ARL10: variants seen among roughly 807,000 people sequenced by gnomAD.
ARL10 encodes the protein ARF like GTPase 10.
A neutral mutation model predicts 26.1 loss-of-function variants in ARL10; 23 were observed. The observed-to-expected ratio is 0.88, with a 90% CI of 0.63 to 1.25. ARL10 has a LOEUF of 1.25. Among genes scored for constraint, ARL10 ranks in the 50% most tolerant of loss-of-function variants. The pLI, the probability that ARL10 is intolerant of heterozygous loss-of-function variation, is 0.00. For missense variants in ARL10, 300 were observed against 323.6 expected (o/e 0.93, Z 0.56); for synonymous variants, 138 against 149.1 (o/e 0.93, Z 0.54).
chr5:176,369,290 T>C, intron 3 of ARL10: 2 of 1,143,456 alleles, frequency 1.7e-6, no homozygotes, highest in South Asian at 3.0e-5. Context: ...TGGAATGCAG[T>C]GGTGTGATCT....
chr5:176,372,175 C>G lies in ARL10; in HGVS notation c.*280C>G, dbSNP rs764915351. ...GAATGTGGATCCAGCTTTCCCTTCTCTTACCTGTACAGTGAGATGCTCAGT... is the reference window on the plus strand; with the variant it reads ...GAATGTGGATCCAGCTTTCCCTTCTGTTACCTGTACAGTGAGATGCTCAGT... On this transcript the variant is annotated 3_prime_UTR_variant, in exon 4 of 4. Coordinates refer to ENST00000310389, the MANE Select transcript of ARL10 (RefSeq NM_173664.6). The G allele has an allele frequency of 1.9e-6, 2 of 1,053,964 alleles. No homozygotes were observed. Among genetic ancestry groups the G allele is most frequent in the Non-Finnish European group, 2.5e-6 (2 of 794,456 alleles). 65.3% of individuals were successfully genotyped at this position (1,053,964 alleles called of 1,614,324 possible).
At position 176,371,733 on chromosome 5, in the gene ARL10, G is replaced by C. The variant is rs149831130; in HGVS notation, c.573G>C (p.Glu191Asp). Residue 191 changes from glutamate (E) to aspartate (D), a missense_variant, in exon 4 of 4, where the codon GAG (glutamate) becomes GAC (aspartate). By Grantham distance (45) the Glu-to-Asp change is conservative. Transcript: ENST00000310389. Reference sequence around the variant, plus strand: ...TGTGTCTCACCCAGGACCTGAGCGAGGCCATGAGTATGGGGGAGCTGCAGC... The same window carrying C: ...TGTGTCTCACCCAGGACCTGAGCGACGCCATGAGTATGGGGGAGCTGCAGC... ...VVVANKQDLS[E>D]AMSMGELQRE... 5.6e-3 allele frequency: 9,030 copies of C among 1,614,186 alleles called. 31 individuals carry two copies. The highest frequency in any genetic ancestry group is 6.4e-3 in the Non-Finnish European group (7,596 of 1,180,016).
rs896898125 is a variant in ARL10, at chr5:176,393,905, A to AC, written c.134-7835dup. The stretch of plus-strand genomic sequence containing the variant: ...CCTGTTTGGCCAGCGAGGGTCGCTC[A>AC]CAAGTCCCTGGAAGCCCCCTCTCCA... On this transcript the variant is annotated intron_variant, in intron 1 of 1. Transcript: ENST00000514533. This position sits in a 1 kb window ranked among gnomAD's most constrained non-coding sequence, Gnocchi z 4.4. Among the ~76,000 whole-genome samples the AC allele has an allele frequency of 2.0e-5, 3 of 152,194 alleles. No homozygotes were observed. Among genetic ancestry groups the AC allele is most frequent in the African/African-American group, 7.2e-5 (3 of 41,446 alleles).
At chr5:176,412,594 C>T in the ARL10 span, among the ~76,000 whole-genome samples, 3 of 152,216 alleles carry the variant, frequency 2.0e-5, no homozygotes, top group Non-Finnish European at 2.9e-5. Flanking sequence ...CTTCACCAGC[C>T]AGACAGGGCT....
At chr5:176,392,624 G>A, downstream of ARL10, 1 of 855,012 alleles carries the variant, frequency 1.2e-6, no homozygotes, top group Non-Finnish European at 1.8e-6. This position sits in a 1 kb window ranked among gnomAD's most constrained non-coding sequence, Gnocchi z 5.2. Flanking sequence ...GCGTGATGGG[G>A]TGAGGGCCCC....
chr5:176,383,460 G>A (rs371147059), downstream of ARL10, among the ~76,000 whole-genome samples: 23 of 152,238 alleles, frequency 1.5e-4, no homozygotes, highest in African/African-American at 5.1e-4. Context: ...GCCATGTGTA[G>A]CCCACTGCTT....
At chr5:176,389,260 C>A, downstream of ARL10, 2 of 1,516,174 alleles carry the variant, frequency 1.3e-6, no homozygotes, top group Non-Finnish European at 1.8e-6. Context: ...TTTGGGGAAG[C>A]GAGACCCAAA....
At chr5:176,370,878 A>G (rs189987059) in intron 3 of ARL10, among the ~76,000 whole-genome samples, 1 of 152,224 alleles carries the variant, frequency 6.6e-6, no homozygotes, top group Admixed American at 6.5e-5. Context: ...ATCCTACTGT[A>G]TCATCTCTCC....
chr5:176,366,441 T>TGCTGGG lies in ARL10; in HGVS notation c.251_256dup (p.Gly84_Leu85dup), dbSNP rs772531090. Reference sequence around the variant, plus strand: ...GAGCTGGAACAGCGCGAGGTGCTGGTGCTGGGGCTGGATGGCGCAGGCAAG... The same window carrying TGCTGGG: ...GAGCTGGAACAGCGCGAGGTGCTGGTGCTGGGGCTGGGGCTGGATGGCGCAGGCAAG... On this transcript the variant is annotated inframe_insertion, in exon 2 of 4. Coordinates refer to ENST00000310389, the MANE Select transcript of ARL10 (RefSeq NM_173664.6). 3.1e-6 allele frequency: 5 copies of TGCTGGG among 1,613,470 alleles called. No individual in the cohort carries two copies. Among genetic ancestry groups the TGCTGGG allele is most frequent in the Non-Finnish European group, 4.2e-6 (5 of 1,179,956 alleles).
chr5:176,367,010 T>TC (rs1453898433), intron 2 of ARL10, among the ~76,000 whole-genome samples: 2 of 144,330 alleles, frequency 1.4e-5, no homozygotes, highest in Non-Finnish European at 3.0e-5. Context: ...GTCTTTTTTT[T>TC]TTTTTTTTTT....
chr5:176,400,316 G>A (rs1355841413), intron 1 of ARL10, among the ~76,000 whole-genome samples: 2 of 152,194 alleles, frequency 1.3e-5, no homozygotes, highest in Admixed American at 6.5e-5. Flanking sequence ...TGCTTGGTGT[G>A]GAGTGATGGC....
chr5:176,384,623 C>CA (rs1033383280), downstream of ARL10: 4 of 529,970 alleles, frequency 7.5e-6, no homozygotes, highest in African/African-American at 7.7e-5. Flanking sequence ...CCTGTCTCTC[C>CA]AAAAACAATA....
chr5:176,386,561 C>G, downstream of ARL10: 1 of 493,914 alleles, frequency 2.0e-6, no homozygotes, highest in East Asian at 4.0e-5. Flanking sequence ...CATACCCATG[C>G]CAGAGATTTA....
rs574093335 is a variant in ARL10, at chr5:176,372,549, G to A, written c.*654G>A. 2.1e-5 allele frequency: 4 copies of A among 193,192 alleles called. No homozygotes were observed. The highest frequency in any genetic ancestry group is 6.9e-5 in the African/African-American group (3 of 43,352). The allele number at this position is 193,192 out of a possible 1,614,324, so 12.0% of individuals were successfully genotyped here. ...CCATCCTAGCAAGGAGCTTTCTGAA[G>A]ACCTCCCTGCCTTTCCCTGAGCCCA... is the stretch of plus-strand genomic sequence containing the variant. On this transcript the variant is annotated 3_prime_UTR_variant, in exon 4 of 4. Coordinates refer to ENST00000310389, the MANE Select transcript of ARL10 (RefSeq NM_173664.6).
intron 2 of ARL10, among the ~76,000 whole-genome samples, chr5:176,367,002 C>CTTTTTTTT (rs67066126): frequency 1.4e-4 from 15 of 106,532 alleles, no homozygotes; most frequent in African/African-American, 4.8e-4. Flanking sequence ...CCTTTCTAGT[C>CTTTTTTTT]TTTTTTTTTT....
intron 1 of ARL10, among the ~76,000 whole-genome samples, chr5:176,394,974 A>G (rs1756450563): frequency 6.6e-6 from 1 of 152,034 alleles, no homozygotes; most frequent in South Asian, 2.1e-4. Context: ...CCTTGCTGGA[A>G]GCCTCCTGTG....
chr5:176,368,495 AC>A lies in ARL10; in HGVS notation c.386-311del, dbSNP rs1474825569. On this transcript the variant is annotated intron_variant, in intron 2 of 3. Transcript: ENST00000310389. The surrounding 1 kb of genome is among the most constrained non-coding windows in gnomAD (Gnocchi z 4.1). Reference sequence around the variant, plus strand: ...CGTGGTACCTGTGGGTTTTACTGCAACAACCCGTTAGGAAAGTTCAGTGAGG... The same window carrying A: ...CGTGGTACCTGTGGGTTTTACTGCAAAACCCGTTAGGAAAGTTCAGTGAGG... Among the ~76,000 whole-genome samples the A allele has an allele frequency of 6.6e-6, 1 of 152,162 alleles. No homozygotes were observed. The highest frequency in any genetic ancestry group is 1.5e-5 in the Non-Finnish European group (1 of 68,014).
At chr5:176,410,593 C>CA in the ARL10 span, among the ~76,000 whole-genome samples, 1 of 152,202 alleles carries the variant, frequency 6.6e-6, no homozygotes, top group East Asian at 1.9e-4. Flanking sequence ...AGGCCATGCT[C>CA]AAAATCACCC....
At chr5:176,406,286 C>A (rs1423255376), downstream of ARL10, 1 of 1,054,318 alleles carries the variant, frequency 9.5e-7, no homozygotes. Context: ...ATGGCCAGGA[C>A]CAGAAGGCAG....
Sources: allele counts gnomAD v4.1 joint callset (sites outside exome capture counted in the v4.1 genomes callset), GRCh38; gene constraint gnomAD v4.1.1; non-coding constraint Gnocchi (gnomAD v3.1); transcripts MANE v1.5; gene names NCBI Gene and HGNC (gene_info 2026-07-23, HGNC 2026-07-21).